ZSWIM6: variants seen among roughly 807,000 people sequenced by gnomAD.
The protein encoded by ZSWIM6 is zinc finger SWIM-type containing 6.
Under a neutral mutation model 113.2 loss-of-function variants are expected in ZSWIM6, and 9 were observed. The ratio of observed to expected loss-of-function variants is 0.08; its 90% CI spans 0.05 to 0.14. The LOEUF (loss-of-function observed/expected upper bound fraction) is 0.14. Ranked by LOEUF, ZSWIM6 falls within the 10% of genes least tolerant of loss-of-function variation. The pLI, the probability that ZSWIM6 is intolerant of heterozygous loss-of-function variation, is 1.00. For missense variants in ZSWIM6, 1,162 were observed against 1,552.2 expected (o/e 0.75, Z 4.22); for synonymous variants, 611 against 606.5 (o/e 1.01, Z -0.11).
intron 1 of ZSWIM6, among the ~76,000 whole-genome samples, chr5:61,341,600 A>G (rs970174811): frequency 6.6e-6 from 1 of 152,180 alleles, no homozygotes; most frequent in African/African-American, 2.4e-5. Context: ...GAATGTATAC[A>G]TATACCCATA....
At chr5:61,391,839 A>G (rs1745721697) in intron 1 of ZSWIM6, 4 of 745,846 alleles carry the variant, frequency 5.4e-6, no homozygotes, top group Admixed American at 2.6e-5. Flanking sequence ...CGAGGGACCC[A>G]TGTCTGGGAG....
At chr5:61,376,883 G>T (rs909396537) in intron 1 of ZSWIM6, among the ~76,000 whole-genome samples, 1 of 149,440 alleles carries the variant, frequency 6.7e-6, no homozygotes, top group East Asian at 2.0e-4. Context: ...TGGCCTACTT[G>T]CCAAGATATT....
chr5:61,487,103 T>A (rs1384428170), intron 2 of ZSWIM6, among the ~76,000 whole-genome samples: 2 of 152,080 alleles, frequency 1.3e-5, no homozygotes, highest in Admixed American at 6.6e-5. Context: ...TTTGGTCTTC[T>A]GCATGTGGCT....
chr5:61,394,611 G>A (rs1366258567), intron 1 of ZSWIM6, among the ~76,000 whole-genome samples: 2 of 152,134 alleles, frequency 1.3e-5, no homozygotes, highest in African/African-American at 4.8e-5. Flanking sequence ...ATATGAGGGG[G>A]GAATTATCAG....
intron 4 of ZSWIM6, among the ~76,000 whole-genome samples, chr5:61,516,465 A>C (rs1748943322): frequency 7.0e-6 from 1 of 143,640 alleles, no homozygotes; most frequent in Non-Finnish European, 1.5e-5. Flanking sequence ...TATAAAAACT[A>C]TATATATATA....
intron 1 of ZSWIM6, among the ~76,000 whole-genome samples, chr5:61,431,420 G>A (rs115106092): frequency 7.1e-6 from 1 of 141,810 alleles, no homozygotes; most frequent in East Asian, 2.1e-4. Context: ...TAAATAAATC[G>A]TGATCTTTTT....
At chr5:61,346,613 C>G (rs1744663963) in intron 1 of ZSWIM6, among the ~76,000 whole-genome samples, 1 of 152,166 alleles carries the variant, frequency 6.6e-6, no homozygotes, top group Non-Finnish European at 1.5e-5. Flanking sequence ...GATGTGAGCT[C>G]TAGCTTAACA....
At position 61,416,415 on chromosome 5, in the gene ZSWIM6, TATC is replaced by T. The variant is rs1185692685; in HGVS notation, c.677-56263_677-56261del. Reference sequence around the variant, plus strand: ...AGTTTCCAGGAGCCACAGCCTCTGATATCATGCTGCTTTTGATCTTCCTCCTAG... The same window carrying T: ...AGTTTCCAGGAGCCACAGCCTCTGATATGCTGCTTTTGATCTTCCTCCTAG... On this transcript the variant is annotated intron_variant, in intron 1 of 13. Transcript: ENST00000252744. 3.1e-4 allele frequency among the ~76,000 whole-genome samples: 47 copies of T among 152,222 alleles called. 1 individual carries two copies. Among genetic ancestry groups the T allele is most frequent in the Admixed American group, 6.5e-5 (1 of 15,276 alleles).
In ZSWIM6 at chr5:61,385,198, G is replaced by A. The variant is rs564724140; in HGVS notation, c.676+52250G>A. Among the ~76,000 whole-genome samples the A allele has an allele frequency of 1.9e-3, 291 of 152,276 alleles. 1 individual carries two copies. The highest frequency in any genetic ancestry group is 6.5e-3 in the African/African-American group (268 of 41,542). On this transcript the variant is annotated intron_variant, in intron 1 of 13. Transcript: ENST00000252744. ...CATGGACATGGACAACACAAATACTGGTTAATGGTGTTTGGTATATTCTCT... is the reference window on the plus strand; with the variant it reads ...CATGGACATGGACAACACAAATACTAGTTAATGGTGTTTGGTATATTCTCT...
At chr5:61,356,769 A>AATAT (rs1461832346) in intron 1 of ZSWIM6, among the ~76,000 whole-genome samples, 3 of 140,490 alleles carry the variant, frequency 2.1e-5, no homozygotes, top group African/African-American at 7.8e-5. Flanking sequence ...TAATATGTAT[A>AATAT]ATATATATAT....
At chr5:61,438,813 G>T (rs1746765206) in intron 1 of ZSWIM6, among the ~76,000 whole-genome samples, 1 of 152,214 alleles carries the variant, frequency 6.6e-6, no homozygotes, top group Non-Finnish European at 1.5e-5. Context: ...ATGGGGGACT[G>T]TGAGGAGGAA....
intron 4 of ZSWIM6, among the ~76,000 whole-genome samples, chr5:61,502,557 G>C (rs992492008): frequency 2.6e-5 from 4 of 152,192 alleles, no homozygotes; most frequent in Admixed American, 1.3e-4. Context: ...TATTATAAAT[G>C]CATGCTTGAT....
intron 1 of ZSWIM6, among the ~76,000 whole-genome samples, chr5:61,335,596 A>T (rs909396651): frequency 6.6e-6 from 1 of 152,262 alleles, no homozygotes; most frequent in Non-Finnish European, 1.5e-5. Flanking sequence ...AGTTTCTTAA[A>T]ATGGAAAAGA....
intron 5 of ZSWIM6, among the ~76,000 whole-genome samples, chr5:61,522,407 C>T (rs758773836): frequency 3.9e-5 from 6 of 152,164 alleles, no homozygotes; most frequent in Non-Finnish European, 5.9e-5. Flanking sequence ...AGAGTCAAGA[C>T]TACATTCTCT....
chr5:61,338,418 C>T (rs1482441824), intron 1 of ZSWIM6, among the ~76,000 whole-genome samples: 1 of 152,004 alleles, frequency 6.6e-6, no homozygotes, highest in African/African-American at 2.4e-5. Context: ...CTTTTTCTGC[C>T]TTTTGATTAA....
chr5:61,540,372 C>T (rs1749696403), intron 12 of ZSWIM6, among the ~76,000 whole-genome samples: 1 of 152,126 alleles, frequency 6.6e-6, no homozygotes, highest in Non-Finnish European at 1.5e-5. Flanking sequence ...AAGTTTGTTT[C>T]ATTTTTCTCA....
chr5:61,454,269 T>TATTTC (rs1747151917), intron 1 of ZSWIM6, among the ~76,000 whole-genome samples: 1 of 146,526 alleles, frequency 6.8e-6, no homozygotes, highest in African/African-American at 2.5e-5. Context: ...TATTTTATTT[T>TATTTC]ATTTTTGAGA....
chr5:61,372,166 G>A lies in ZSWIM6; in HGVS notation c.676+39218G>A, dbSNP rs543495493. 1.7e-4 allele frequency among the ~76,000 whole-genome samples: 25 copies of A among 151,168 alleles called. No individual in the cohort carries two copies. The East Asian group carries it at 3.7e-3, about 22-fold the overall frequency. ...CATTATTGAAAAGAAATAATCATTCGTTTCCCTTTCTACCATTGCGCATAA... is the reference window on the plus strand; with the variant it reads ...CATTATTGAAAAGAAATAATCATTCATTTCCCTTTCTACCATTGCGCATAA... On this transcript the variant is annotated intron_variant, in intron 1 of 13. Coordinates refer to ENST00000252744, the MANE Select transcript of ZSWIM6 (RefSeq NM_020928.2).
intron 7 of ZSWIM6, among the ~76,000 whole-genome samples, chr5:61,528,542 T>C (rs892555429): frequency 6.6e-6 from 1 of 152,008 alleles, no homozygotes; most frequent in Non-Finnish European, 1.5e-5. Context: ...TTTCAAGGAA[T>C]CTAGGACTCG....
Sources: gnomAD v4.1 joint callset for allele counts (sites outside exome capture counted in the v4.1 genomes callset) on GRCh38, gnomAD v4.1.1 for gene constraint, MANE v1.5 for transcripts, NCBI Gene and HGNC (gene_info 2026-07-23, HGNC 2026-07-21) for gene names.